TRIT1: variants seen among roughly 807,000 people sequenced by gnomAD.
TRIT1 encodes the protein tRNA isopentenyltransferase 1, also known as tRNA dimethylallyltransferase.
A neutral mutation model predicts 51.2 loss-of-function variants in TRIT1; 43 were observed. The ratio of observed to expected loss-of-function variants is 0.84; its 90% CI spans 0.66 to 1.08. TRIT1 has a LOEUF of 1.08. Ranked by LOEUF, TRIT1 falls within the 50% of genes least tolerant of loss-of-function variation. The probability of loss-of-function intolerance (pLI) is 0.00; values close to 1 mark genes in which losing one functional copy is unlikely to be tolerated. For missense variants in TRIT1, 528 were observed against 578.4 expected, an observed-to-expected ratio of 0.91 and a Z score of 0.89; for synonymous variants, 184 against 203.9, an observed-to-expected ratio of 0.90 and a Z score of 0.83.
At chr1:39,857,036 G>A (rs1403486832) in intron 2 of TRIT1, among the ~76,000 whole-genome samples, 2 of 152,172 alleles carry the variant, frequency 1.3e-5, no homozygotes, top group Admixed American at 1.3e-4. Context: ...CTGGAGTGGG[G>A]CCCAAGAATC....
chr1:39,838,455 G>T lies in TRIT1; in HGVS notation c.*3289C>A, dbSNP rs1378272831. Among the ~76,000 whole-genome samples the T allele has an allele frequency of 1.3e-5, 2 of 152,130 alleles. No homozygotes were observed. Among genetic ancestry groups the T allele is most frequent in the Non-Finnish European group, 2.9e-5 (2 of 68,024 alleles). The stretch of plus-strand genomic sequence containing the variant: ...AGGTTGATTTCATGCATGTGTGTTT[G>T]GGGGAGGGGGTTGTTAGTTTTATTT... On this transcript the variant is annotated 3_prime_UTR_variant, in exon 11 of 11. Transcript: ENST00000316891.
At chr1:39,877,769 C>G (rs533109909) in intron 1 of TRIT1, among the ~76,000 whole-genome samples, 36 of 152,296 alleles carry the variant, frequency 2.4e-4, no homozygotes, top group South Asian at 1.0e-3. Context: ...ACATCAGACT[C>G]TACAAATGAG....
At position 39,840,679 on chromosome 1, in the gene TRIT1, A is replaced by G. The variant is rs1474978493; in HGVS notation, c.*1065T>C. On this transcript the variant is annotated 3_prime_UTR_variant, in exon 11 of 11. Coordinates refer to ENST00000316891, the MANE Select transcript of TRIT1 (RefSeq NM_017646.6). ...CTTAAAGGGCACAAAGTTTGTTTGG[A>G]GTGACAAAAACGTTTTGGAAATAGT... 6.6e-6 allele frequency among the ~76,000 whole-genome samples: 1 copy of G among 152,208 alleles called. No individual in the cohort carries two copies. Among genetic ancestry groups the G allele is most frequent in the Admixed American group, 6.5e-5 (1 of 15,276 alleles).
At position 39,840,675 on chromosome 1, in the gene TRIT1, T is replaced by C. The variant is rs894376202; in HGVS notation, c.*1069A>G. Among the ~76,000 whole-genome samples the C allele has an allele frequency of 2.6e-5, 4 of 152,220 alleles. No homozygotes were observed. The highest frequency in any genetic ancestry group is 6.5e-5 in the Admixed American group (1 of 15,284). ...AACGCTTAAAGGGCACAAAGTTTGT[T>C]TGGAGTGACAAAAACGTTTTGGAAA... On this transcript the variant is annotated 3_prime_UTR_variant, in exon 11 of 11. Transcript: ENST00000316891.
chr1:39,868,539 G>T (rs1643675291), intron 1 of TRIT1, among the ~76,000 whole-genome samples: 1 of 151,840 alleles, frequency 6.6e-6, no homozygotes. Flanking sequence ...AGCTACTCAG[G>T]AGGCTGAGGC....
intron 1 of TRIT1, among the ~76,000 whole-genome samples, chr1:39,866,228 A>G (rs1178984385): frequency 2.0e-5 from 3 of 152,004 alleles, no homozygotes; most frequent in African/African-American, 7.3e-5. Flanking sequence ...GCTAGAGTGC[A>G]GTGGCATGAT....
intron 1 of TRIT1, among the ~76,000 whole-genome samples, chr1:39,870,318 C>G (rs941541759): frequency 4.6e-5 from 7 of 151,994 alleles, no homozygotes; most frequent in South Asian, 2.1e-4. Context: ...GCAGCATGCT[C>G]GTAAAGAGTC....
intron 1 of TRIT1, chr1:39,862,841 T>C: frequency 2.0e-6 from 2 of 985,414 alleles, no homozygotes; most frequent in Non-Finnish European, 2.4e-6. Flanking sequence ...ACAATCAGCC[T>C]GAATGCTGGG....
intron 1 of TRIT1, among the ~76,000 whole-genome samples, chr1:39,867,377 T>C (rs1643613029): frequency 6.6e-6 from 1 of 152,158 alleles, no homozygotes; most frequent in Admixed American, 6.5e-5. Context: ...ACTCCCAACC[T>C]CAGGTGATCC....
intron 1 of TRIT1, among the ~76,000 whole-genome samples, chr1:39,866,238 T>C (rs898964418): frequency 7.2e-5 from 11 of 152,042 alleles, no homozygotes; most frequent in African/African-American, 2.7e-4. Flanking sequence ...AGTGGCATGA[T>C]TTTGGCTCAC....
At position 39,840,068 on chromosome 1, in the gene TRIT1, G is replaced by A. The variant is rs1353334988; in HGVS notation, c.*1676C>T. On this transcript the variant is annotated 3_prime_UTR_variant, in exon 11 of 11. Coordinates refer to ENST00000316891, the MANE Select transcript of TRIT1 (RefSeq NM_017646.6). ...ATTGCTGAGCCTTAGTTTCCTCCCT[G>A]GTTAACAGCAAAGGAAACAGCATCT... Among the ~76,000 whole-genome samples the A allele has an allele frequency of 6.6e-6, 1 of 152,032 alleles. No homozygotes were observed. Among genetic ancestry groups the A allele is most frequent in the Admixed American group, 6.5e-5 (1 of 15,268 alleles).
chr1:39,838,898 G>C lies in TRIT1; in HGVS notation c.*2846C>G, dbSNP rs1652473790. Among the ~76,000 whole-genome samples, 1 of 152,166 alleles carries C rather than the reference G, an allele frequency of 6.6e-6. No homozygotes were observed. Among genetic ancestry groups the C allele is most frequent in the Admixed American group, 6.5e-5 (1 of 15,284 alleles). On this transcript the variant is annotated 3_prime_UTR_variant, in exon 11 of 11. Coordinates refer to ENST00000316891, the MANE Select transcript of TRIT1 (RefSeq NM_017646.6). ...AGCTAAGAGAGGACAAAAAATTACT[G>C]AGAGTTAGGAAGGATCAAGCCATAT...
At chr1:39,880,151 G>A (rs1644206833) in intron 1 of TRIT1, among the ~76,000 whole-genome samples, 1 of 141,232 alleles carries the variant, frequency 7.1e-6, no homozygotes, top group African/African-American at 2.7e-5. Flanking sequence ...CTCCAGCCTA[G>A]TGACAGAGCA....
rs1176688100 is a variant in TRIT1, at chr1:39,883,304, C to T, written c.174+14G>A. 12 of 1,595,756 alleles carry T rather than the reference C, an allele frequency of 7.5e-6. No homozygotes were observed. The South Asian group carries it at 1.3e-4, about 18-fold the overall frequency. On this transcript the variant is annotated intron_variant, in intron 1 of 10. Transcript: ENST00000316891. ...CGGGGTCCCCAGGCGCCCGGGCCAG[C>T]CGCACTGCCATACCTGCATGGAGTC...
intron 2 of TRIT1, among the ~76,000 whole-genome samples, chr1:39,856,864 C>G (rs1301414696): frequency 1.3e-5 from 2 of 152,150 alleles, no homozygotes; most frequent in Non-Finnish European, 2.9e-5. Context: ...ATGCTTTACC[C>G]AGTAAAATTC....
chr1:39,855,519 T>G (rs1416007376), intron 2 of TRIT1, among the ~76,000 whole-genome samples: 1 of 152,250 alleles, frequency 6.6e-6, no homozygotes, highest in South Asian at 2.1e-4. Context: ...TTATACTTAC[T>G]GGTTGAGCAT....
intron 3 of TRIT1, among the ~76,000 whole-genome samples, chr1:39,853,690 G>C (rs1190641157): frequency 1.3e-5 from 2 of 152,208 alleles, no homozygotes; most frequent in Non-Finnish European, 2.9e-5. Context: ...GGGATTACAG[G>C]TGTGAGCCAC....
Position 39,854,057 on chromosome 1 carries a change from T to C in TRIT1, c.327A>G (p.Ile109Met). The C allele has an allele frequency of 1.9e-6, 3 of 1,606,244 alleles. No homozygotes were observed. In the South Asian group the frequency reaches 3.3e-5, roughly 18 times the overall value. Reference sequence around the variant, plus strand: ...CAATAGGAATTTTGTCTCGGGCAAATATATCTTCAATGTGAACATTAAGAA... The same window carrying C: ...CAATAGGAATTTTGTCTCGGGCAAACATATCTTCAATGTGAACATTAAGAA... ...RNRATALIED[I>M]FARDKIPIVV... The change falls in exon 3 of 11, where the codon ATA becomes ATG. Residue 109 changes from isoleucine (I) to methionine (M), a missense_variant. Transcript: ENST00000316891.
rs575120115 is a variant in TRIT1 at position 39,841,402 on chromosome 1, A to T, written c.*342T>A. 9.7e-5 allele frequency: 17 copies of T among 175,692 alleles called. No homozygotes were observed. The East Asian group carries it at 2.5e-3, about 26-fold the overall frequency. 10.9% of individuals were successfully genotyped at this position (175,692 alleles called of 1,614,324 possible). ...ACATAAAACTTCTTTAAAGGGATGCAGTCAATCCTGGTATTCACCACAAAG... is the reference window on the plus strand; with the variant it reads ...ACATAAAACTTCTTTAAAGGGATGCTGTCAATCCTGGTATTCACCACAAAG... On this transcript the variant is annotated 3_prime_UTR_variant, in exon 11 of 11. Coordinates refer to ENST00000316891, the MANE Select transcript of TRIT1 (RefSeq NM_017646.6).
Sources: allele counts gnomAD v4.1 joint callset (sites outside exome capture counted in the v4.1 genomes callset), GRCh38; gene constraint gnomAD v4.1.1; transcripts MANE v1.5; gene names NCBI Gene and HGNC (gene_info 2026-07-23, HGNC 2026-07-21).